Variants in XPO5 observed in about 807,000 individuals in gnomAD.
XPO5 encodes the protein exportin-5.
In XPO5, 46 loss-of-function variants were observed where a neutral mutation model predicts 160.6. The ratio of observed to expected loss-of-function variants is 0.29; its 90% confidence interval spans 0.23 to 0.37. The LOEUF (loss-of-function observed/expected upper bound fraction) is 0.37. Ranked by LOEUF, XPO5 falls within the 10% of genes least tolerant of loss-of-function variation. XPO5 has a pLI of 1.00. For missense variants in XPO5, 1,090 were observed against 1,463.9 expected (o/e 0.74, Z 4.17); for synonymous variants, 537 against 519.3 (o/e 1.03, Z -0.46).
At chr6:43,524,101 A>G in intron 31 of XPO5, 96 bp from the exon 32 acceptor site, 1 of 1,510,408 alleles carries the variant, frequency 6.6e-7, no homozygotes, top group South Asian at 1.3e-5. Flanking sequence ...CTGTAATCCC[A>G]ACACTTTTGG....
chr6:43,565,048 G>C (rs1181756330), intron 8 of XPO5, among the ~76,000 whole-genome samples: 1 of 151,556 alleles, frequency 6.6e-6, no homozygotes, highest in Non-Finnish European at 1.5e-5. Flanking sequence ...TCAGCCTCCT[G>C]AGTAGCTGGG....
intron 7 of XPO5, among the ~76,000 whole-genome samples, chr6:43,566,032 G>C (rs1244457098): frequency 2.0e-5 from 3 of 151,878 alleles, no homozygotes; most frequent in Non-Finnish European, 2.9e-5. Flanking sequence ...CGAGGCAGGC[G>C]GAACAACTGA....
At chr6:43,531,071 TTAGTG>T (rs1336072553) in intron 22 of XPO5, among the ~76,000 whole-genome samples, 3 of 152,222 alleles carry the variant, frequency 2.0e-5, no homozygotes, top group Non-Finnish European at 4.4e-5. Context: ...GCTTGGCTGA[TTAGTG>T]TAGTGGTTAG....
At chr6:43,543,419 C>T (rs1794800495) in intron 20 of XPO5, among the ~76,000 whole-genome samples, 1 of 152,084 alleles carries the variant, frequency 6.6e-6, no homozygotes, top group African/African-American at 2.4e-5. Context: ...CAACACTGCA[C>T]CCCAACCTGG....
chr6:43,571,217 A>G (rs552037411), intron 3 of XPO5, among the ~76,000 whole-genome samples: 1 of 152,368 alleles, frequency 6.6e-6, no homozygotes, highest in African/African-American at 2.4e-5. Context: ...AAAGGCTGTC[A>G]TATCGAGAGC....
Position 43,525,116 on chromosome 6 carries a change from G to A in XPO5, c.3165C>T (p.Leu1055=). 6.3e-7 allele frequency: 1 copy of A among 1,575,188 alleles called. No individual in the cohort carries two copies. Among genetic ancestry groups the A allele is most frequent in the East Asian group, 2.3e-5 (1 of 43,092 alleles). Residue 1055 remains leucine (L), a synonymous_variant, in exon 29 of 32, where the codon CTC becomes CTT. Coordinates refer to ENST00000265351, the MANE Select transcript of XPO5 (RefSeq NM_020750.3). ...GGGTGAATAACCATACTTGTTTGAG[G>A]AGAGGCCAGCAGAGCTGTGAGGTTG... ...QRTTSQLCWP[L]LKQVLSGTLL...
chr6:43,546,420 T>G, intron 20 of XPO5, 151 bp downstream of exon 20: 9 of 733,042 alleles, frequency 1.2e-5, no homozygotes, highest in Non-Finnish European at 1.8e-5. Context: ...GTTATTTTTT[T>G]TAAAACTGAG....
At chr6:43,541,116 T>C (rs919045700) in intron 20 of XPO5, among the ~76,000 whole-genome samples, 1 of 151,878 alleles carries the variant, frequency 6.6e-6, no homozygotes, top group South Asian at 2.1e-4. Context: ...AGGGTAGTGG[T>C]GGGTTAGGGG....
intron 19 of XPO5, 71 bp from the exon 20 acceptor site, chr6:43,546,823 T>C: frequency 7.1e-7 from 1 of 1,410,450 alleles, no homozygotes; most frequent in Non-Finnish European, 9.4e-7. Context: ...CTGTTAGATA[T>C]ATTCAAGGTT....
At chr6:43,535,469 C>G (rs1473875668) in intron 20 of XPO5, among the ~76,000 whole-genome samples, 1 of 151,942 alleles carries the variant, frequency 6.6e-6, no homozygotes, top group Non-Finnish European at 1.5e-5. Context: ...GGGTGCCGGG[C>G]ATGGTAGCTA....
At chr6:43,559,367 G>T (rs979029974) in intron 11 of XPO5, among the ~76,000 whole-genome samples, 2 of 152,202 alleles carry the variant, frequency 1.3e-5, no homozygotes, top group Non-Finnish European at 2.9e-5. Context: ...GGGGACCCTT[G>T]AATGTGCACC....
intron 20 of XPO5, among the ~76,000 whole-genome samples, chr6:43,534,763 C>T (rs1268528900): frequency 6.6e-6 from 1 of 151,888 alleles, no homozygotes; most frequent in African/African-American, 2.4e-5. Flanking sequence ...TTTGGGAGGC[C>T]GAGGCTGGCG....
At chr6:43,528,979 C>G (rs1267126916) in intron 23 of XPO5, 54 bp from the exon 24 acceptor site, 6 of 1,536,748 alleles carry the variant, frequency 3.9e-6, no homozygotes, top group Non-Finnish European at 4.4e-6. Flanking sequence ...TCTCACCTGC[C>G]AGGTGGTGGG....
Position 43,528,891 on chromosome 6 carries a change from G to A in XPO5, c.2712C>T (p.Pro904=), listed in dbSNP as rs376338326. The A allele has an allele frequency of 8.7e-6, 14 of 1,613,624 alleles. No individual in the cohort carries two copies. In the African/African-American group the frequency reaches 1.9e-4, roughly 22 times the overall value. Residue 904 remains proline (P), a synonymous_variant, in exon 24 of 32, where the codon CCC becomes CCT. Coordinates refer to ENST00000265351, the MANE Select transcript of XPO5 (RefSeq NM_020750.3). Reference sequence around the variant, plus strand: ...ATACCAGGGCTTCATAGTGCTCTGGGGGACAGAAGAGCACCAGAGGCTTTA... The same window carrying A: ...ATACCAGGGCTTCATAGTGCTCTGGAGGACAGAAGAGCACCAGAGGCTTTA... ...VFVKPLVLFC[P]PEHYEALVSP...
intron 24 of XPO5, 26 bp from the exon 25 acceptor site, chr6:43,528,231 G>T (rs1425929886): frequency 4.4e-6 from 7 of 1,574,116 alleles, no homozygotes; most frequent in Non-Finnish European, 5.2e-6. Context: ...GGAAATAAAT[G>T]CTAGAATTGG....
chr6:43,561,284 T>C (rs1352979713), intron 9 of XPO5: 3 of 358,882 alleles, frequency 8.4e-6, no homozygotes, highest in Non-Finnish European at 1.5e-5. Context: ...ATTTCAGAAA[T>C]TACAGAAAGA....
chr6:43,552,063 T>C (rs920951594), intron 14 of XPO5, among the ~76,000 whole-genome samples: 12 of 152,220 alleles, frequency 7.9e-5, no homozygotes, highest in African/African-American at 2.4e-4. Flanking sequence ...TGAATGTTTT[T>C]CATATTTATC....
intron 21 of XPO5, 75 bp downstream of exon 21, chr6:43,533,832 T>TAA: frequency 8.3e-7 from 1 of 1,200,958 alleles, no homozygotes; most frequent in Non-Finnish European, 1.2e-6. Flanking sequence ...CTATGACTCT[T>TAA]AAAAAACAAC....
In XPO5 at chr6:43,542,975, G is replaced by A. The variant is rs1178672465; in HGVS notation, c.2342+3596C>T. Among the ~76,000 whole-genome samples, 3 of 151,966 alleles carry A rather than the reference G, an allele frequency of 2.0e-5. No individual in the cohort carries two copies. In the South Asian group the frequency reaches 6.2e-4, roughly 31 times the overall value. On this transcript the variant is annotated intron_variant, in intron 20 of 31. Transcript: ENST00000265351. Reference sequence around the variant, plus strand: ...AAAATATCACCCAAAGGTCCATCAAGGCTGAATAGTTACAGCATATTCACA... The same window carrying A: ...AAAATATCACCCAAAGGTCCATCAAAGCTGAATAGTTACAGCATATTCACA...
Sources: allele counts gnomAD v4.1 joint callset (sites outside exome capture counted in the v4.1 genomes callset), GRCh38; gene constraint gnomAD v4.1.1; transcripts MANE v1.5; gene names NCBI Gene and HGNC (gene_info 2026-07-23, HGNC 2026-07-21).